Variants in RFX8 observed in about 807,000 individuals in gnomAD.
RFX8 encodes the protein DNA-binding protein RFX8.
Under a neutral mutation model 54.6 loss-of-function variants are expected in RFX8, and 46 were observed. The observed-to-expected ratio is 0.84, with a 90% CI of 0.67 to 1.08. The LOEUF is 1.08. Among genes scored for constraint, RFX8 ranks in the 50% least tolerant of loss-of-function variants. RFX8 has a pLI of 0.00. For synonymous variants in RFX8, 192 were observed against 209.5 expected (o/e 0.92, Z 0.72); for missense variants, 536 against 562.3 (o/e 0.95, Z 0.47).
At chr2:101,449,461 A>C (rs1341868327) in intron 2 of RFX8, among the ~76,000 whole-genome samples, 1 of 152,162 alleles carries the variant, frequency 6.6e-6, no homozygotes, top group Non-Finnish European at 1.5e-5. Flanking sequence ...GTTCAGGAGA[A>C]CTTAAAGAGA....
chr2:101,424,240 T>C (rs1476565175), intron 2 of RFX8, among the ~76,000 whole-genome samples: 1 of 152,180 alleles, frequency 6.6e-6, no homozygotes, highest in Non-Finnish European at 1.5e-5. Flanking sequence ...TTCTTGACAT[T>C]TATGCAGCCA....
Position 101,397,563 on chromosome 2 carries a change from G to GT in RFX8, c.1406dup (p.Asn469LysfsTer4), listed in dbSNP as rs1340288036. 1 of 1,542,854 alleles carries GT rather than the reference G, an allele frequency of 6.5e-7. No homozygotes were observed. The highest frequency in any genetic ancestry group is 2.5e-5 in the East Asian group (1 of 40,712). ...ATAAATAATCTCACACATTAGCATT[G>GT]TTTTCTCTGAAATAAATATCTTCAG... On this transcript the variant is annotated frameshift_variant, in exon 12 of 12. Transcript: ENST00000428343. LOFTEE classifies it high-confidence loss of function.
At chr2:101,421,691 A>G in intron 4 of RFX8, 33 bp downstream of exon 4, 1 of 1,541,930 alleles carries the variant, frequency 6.5e-7, no homozygotes, top group Non-Finnish European at 8.7e-7. Flanking sequence ...TTTATAGATA[A>G]AACCCTACCC....
Position 101,415,024 on chromosome 2 carries a change from CA to C in RFX8, c.503-113del, listed in dbSNP as rs373621941. The C allele has an allele frequency of 1.6e-4, 123 of 759,408 alleles. No homozygotes were observed. The East Asian group carries it at 2.3e-3, about 14-fold the overall frequency. The allele number at this position is 759,408 out of a possible 1,614,324, so 47.0% of individuals were successfully genotyped here. On this transcript the variant is annotated intron_variant, in intron 6 of 11. Transcript: ENST00000428343. ...TAGGAAGGCACAGCTGGCTAAACTGCAACTTCCCCCACCCCCGTGTCTGCTG... is the reference window on the plus strand; with the variant it reads ...TAGGAAGGCACAGCTGGCTAAACTGCACTTCCCCCACCCCCGTGTCTGCTG...
rs561001861 is a variant in RFX8, at chr2:101,418,951, A to T, written c.251T>A (p.Leu84His). The T allele has an allele frequency of 6.5e-7, 1 of 1,545,816 alleles. No individual in the cohort carries two copies. The highest frequency in any genetic ancestry group is 1.2e-5 in the South Asian group (1 of 83,932). The change falls in exon 5 of 12, where the codon CTT (leucine) becomes CAT (histidine). Residue 84 changes from leucine to histidine, a missense_variant. Coordinates refer to ENST00000428343, the MANE Select transcript of RFX8 (RefSeq NM_001145664.2). ...CTGCAGAGACTTCCAGAAGGAAGTA[A>T]GCAAGTCCTCCACCTGGGGTAAGTA... ...RDILRNVEDL[L>H]TSFWKSLQQD...
At chr2:101,458,345 G>T (rs1175179635) in intron 2 of RFX8, among the ~76,000 whole-genome samples, 1 of 152,192 alleles carries the variant, frequency 6.6e-6, no homozygotes, top group Non-Finnish European at 1.5e-5. Flanking sequence ...GCAGTGACTG[G>T]TATCGGCTGT....
At chr2:101,411,620 A>C (rs767875449) in intron 8 of RFX8, among the ~76,000 whole-genome samples, 17 of 152,176 alleles carry the variant, frequency 1.1e-4, no homozygotes, top group Admixed American at 2.6e-4. Context: ...TCAGAACTGC[A>C]GAATTACTAA....
At chr2:101,451,971 C>T (rs748802272) in intron 2 of RFX8, among the ~76,000 whole-genome samples, 2 of 151,800 alleles carry the variant, frequency 1.3e-5, no homozygotes, top group Non-Finnish European at 2.9e-5. Flanking sequence ...GACACACCTG[C>T]AGTCCTAGCT....
intron 2 of RFX8, among the ~76,000 whole-genome samples, chr2:101,457,185 G>GT (rs1341941719): frequency 6.6e-6 from 1 of 152,006 alleles, no homozygotes. Flanking sequence ...TTTTTGAAGG[G>GT]TTTTTTGTGT....
chr2:101,438,144 A>G (rs2148954044), intron 2 of RFX8, among the ~76,000 whole-genome samples: 1 of 152,334 alleles, frequency 6.6e-6, no homozygotes, highest in African/African-American at 2.4e-5. Flanking sequence ...CATTGGGATA[A>G]ATGGGGTATC....
At chr2:101,456,833 C>A (rs553252854) in intron 2 of RFX8, among the ~76,000 whole-genome samples, 29 of 152,212 alleles carry the variant, frequency 1.9e-4, no homozygotes, top group Non-Finnish European at 2.4e-4. Flanking sequence ...CTGTAGAATC[C>A]ATCTGGTTCT....
chr2:101,465,944 T>C (rs1239696849), intron 2 of RFX8, among the ~76,000 whole-genome samples: 1 of 151,978 alleles, frequency 6.6e-6, no homozygotes, highest in African/African-American at 2.4e-5. Context: ...CAGGGAGAGG[T>C]GAACAGTTGT....
At chr2:101,415,680 A>G (rs1376706537) in intron 6 of RFX8, among the ~76,000 whole-genome samples, 5 of 152,186 alleles carry the variant, frequency 3.3e-5, no homozygotes, top group African/African-American at 9.7e-5. Context: ...CTCAATAACT[A>G]TTTGCTGGAT....
intron 1 of RFX8, among the ~76,000 whole-genome samples, chr2:101,469,467 T>G (rs910407153): frequency 3.3e-5 from 5 of 152,050 alleles, no homozygotes; most frequent in Admixed American, 1.3e-4. Context: ...TTTCTTTTGT[T>G]AAGACACTAC....
At chr2:101,451,645 C>T (rs551571643) in intron 2 of RFX8, among the ~76,000 whole-genome samples, 4 of 144,280 alleles carry the variant, frequency 2.8e-5, no homozygotes, top group Non-Finnish European at 4.5e-5. Context: ...GCCATGATCA[C>T]GCCATTGCAC....
intron 2 of RFX8, among the ~76,000 whole-genome samples, chr2:101,425,090 C>T (rs1008507895): frequency 6.6e-6 from 1 of 151,868 alleles, no homozygotes; most frequent in East Asian, 1.9e-4. Flanking sequence ...GTGATGCTCA[C>T]GTTGATCATA....
At chr2:101,414,130 C>T (rs1402015097) in intron 7 of RFX8, among the ~76,000 whole-genome samples, 3 of 152,216 alleles carry the variant, frequency 2.0e-5, no homozygotes, top group Non-Finnish European at 4.4e-5. Flanking sequence ...AACTGGTGGC[C>T]TGGCCACACT....
intron 2 of RFX8, among the ~76,000 whole-genome samples, chr2:101,461,942 T>C (rs575863857): frequency 1.3e-5 from 2 of 152,282 alleles, no homozygotes; most frequent in East Asian, 1.9e-4. Context: ...AGGAATGTTA[T>C]GAATTTGTCT....
intron 2 of RFX8, among the ~76,000 whole-genome samples, chr2:101,464,897 A>G (rs558493962): frequency 6.6e-5 from 10 of 152,172 alleles, no homozygotes; most frequent in Non-Finnish European, 1.2e-4. Flanking sequence ...TGGAGCTAAA[A>G]CATGTCAAGC....
Sources: gnomAD v4.1 joint callset for allele counts (sites outside exome capture counted in the v4.1 genomes callset) on GRCh38, gnomAD v4.1.1 for gene constraint, MANE v1.5 for transcripts, NCBI Gene and HGNC (gene_info 2026-07-23, HGNC 2026-07-21) for gene names.